PRKCA: variants seen among roughly 807,000 people sequenced by gnomAD.
PRKCA encodes protein kinase C alpha type.
Under a neutral mutation model 87.0 loss-of-function variants are expected in PRKCA, and 27 were observed. The observed-to-expected ratio is 0.31, with a 90% CI of 0.23 to 0.43. PRKCA has a LOEUF of 0.43. PRKCA is among the 20% of genes least tolerant of loss of function. The pLI, the probability that PRKCA is intolerant of heterozygous loss-of-function variation, is 1.00. For synonymous variants in PRKCA, 329 were observed against 311.1 expected, an observed-to-expected ratio of 1.06 and a Z score of -0.61; for missense variants, 518 against 852.3, an observed-to-expected ratio of 0.61 and a Z score of 4.88.
At chr17:66,485,423 G>T (rs1007598185) in intron 2 of PRKCA, among the ~76,000 whole-genome samples, 1 of 152,096 alleles carries the variant, frequency 6.6e-6, no homozygotes. Flanking sequence ...CTGTCCTAAC[G>T]TGCTGAGTGC....
intron 5 of PRKCA, among the ~76,000 whole-genome samples, chr17:66,667,123 A>G (rs550422102): frequency 1.1e-4 from 17 of 152,314 alleles, no homozygotes; most frequent in African/African-American, 3.6e-4. Context: ...GTCCCTGCCC[A>G]GTCCCTTCCC....
intron 3 of PRKCA, among the ~76,000 whole-genome samples, chr17:66,573,044 G>C (rs375763686): frequency 1.3e-5 from 2 of 152,062 alleles, no homozygotes. Context: ...TAAGAGCTGC[G>C]TTCTGTCTAC....
intron 5 of PRKCA, among the ~76,000 whole-genome samples, chr17:66,669,527 A>G (rs1448377555): frequency 6.6e-6 from 1 of 152,228 alleles, no homozygotes; most frequent in Non-Finnish European, 1.5e-5. Flanking sequence ...TCAATATGAT[A>G]GGACCAAATT....
chr17:66,642,871 C>T (rs367768199), intron 4 of PRKCA, among the ~76,000 whole-genome samples: 69 of 152,122 alleles, frequency 4.5e-4, no homozygotes, highest in Non-Finnish European at 8.8e-4. Flanking sequence ...AGCGAAACCC[C>T]GTCTCTACTA....
intron 5 of PRKCA, among the ~76,000 whole-genome samples, chr17:66,647,019 C>T (rs771297517): frequency 3.9e-5 from 6 of 152,190 alleles, no homozygotes; most frequent in African/African-American, 7.2e-5. Flanking sequence ...TTTTAATGGG[C>T]TGATGCTGTC....
At chr17:66,641,042 C>T (rs1489442508) in intron 3 of PRKCA, 3 of 312,722 alleles carry the variant, frequency 9.6e-6, no homozygotes, top group Non-Finnish European at 1.9e-5. Context: ...CCTGTAATCC[C>T]AGTTACTCAG....
At chr17:66,679,427 C>T (rs1029925024) in intron 5 of PRKCA, among the ~76,000 whole-genome samples, 12 of 152,132 alleles carry the variant, frequency 7.9e-5, no homozygotes, top group South Asian at 4.1e-4. Context: ...GTGATCCACC[C>T]GCCTTGGCCT....
At chr17:66,357,189 C>CTCT (rs1328967084) in intron 2 of PRKCA, among the ~76,000 whole-genome samples, 1 of 152,154 alleles carries the variant, frequency 6.6e-6, no homozygotes, top group East Asian at 1.9e-4. Flanking sequence ...TGAGTGCCAG[C>CTCT]TCTGAGTCAT....
intron 8 of PRKCA, among the ~76,000 whole-genome samples, chr17:66,712,754 G>A (rs939660519): frequency 8.5e-5 from 13 of 152,164 alleles, no homozygotes; most frequent in Non-Finnish European, 1.2e-4. Context: ...TTTCATAGCT[G>A]TATAGCCTGG....
At chr17:66,584,276 C>CATT (rs1555622871) in intron 3 of PRKCA, among the ~76,000 whole-genome samples, 1 of 151,810 alleles carries the variant, frequency 6.6e-6, no homozygotes, top group African/African-American at 2.4e-5. Context: ...GGCTGGAGTG[C>CATT]AGTGGCTTGA....
rs1168175864 is a variant in PRKCA at position 66,689,001 on chromosome 17, C to T, written c.872C>T (p.Pro291Leu). The T allele has an allele frequency of 6.9e-6, 11 of 1,603,490 alleles. No homozygotes were observed. Among genetic ancestry groups the T allele is most frequent in the Non-Finnish European group, 8.5e-6 (10 of 1,175,536 alleles). The change falls in exon 8 of 17, where the codon CCG (proline) becomes CTG (leucine). Residue 291 changes from proline (P) to leucine (L), a missense_variant. Physicochemically the swap from Pro to Leu is moderately conservative, Grantham distance 98 (BLOSUM62 -3). Coordinates refer to ENST00000413366, the MANE Select transcript of PRKCA (RefSeq NM_002737.3). The surrounding 1 kb of genome is among the most constrained non-coding windows in gnomAD (Gnocchi z 4.1). The stretch of plus-strand genomic sequence containing the variant: ...GGTGAGTACTACAACGTACCCATTC[C>T]GGAAGGGGACGAGGAAGGAAACATG... ...EEGEYYNVPI[P>L]EGDEEGNMEL... is the part of the protein sequence containing the mutation.
At chr17:66,408,379 A>G (rs772175945) in intron 2 of PRKCA, among the ~76,000 whole-genome samples, 8 of 152,242 alleles carry the variant, frequency 5.3e-5, no homozygotes, top group Non-Finnish European at 7.3e-5. Context: ...TTAGGGCATT[A>G]CTTTAGTCTC....
At chr17:66,312,870 C>T (rs1014626915) in intron 2 of PRKCA, among the ~76,000 whole-genome samples, 1 of 151,392 alleles carries the variant, frequency 6.6e-6, no homozygotes, top group Non-Finnish European at 1.5e-5. Context: ...TCCTGAGTAG[C>T]CGGGATTACA....
intron 2 of PRKCA, among the ~76,000 whole-genome samples, chr17:66,358,604 A>G (rs1185624169): frequency 6.6e-6 from 1 of 152,168 alleles, no homozygotes; most frequent in Non-Finnish European, 1.5e-5. Flanking sequence ...AGCAAATGTA[A>G]TAATGTGTGG....
intron 3 of PRKCA, among the ~76,000 whole-genome samples, chr17:66,622,871 GA>G (rs1172476983): frequency 7.2e-5 from 11 of 152,246 alleles, no homozygotes; most frequent in Non-Finnish European, 1.6e-4. Context: ...CCGCCCCCAT[GA>G]TTCAATCATC....
intron 3 of PRKCA, among the ~76,000 whole-genome samples, chr17:66,626,970 C>T (rs1419139830): frequency 6.6e-6 from 1 of 152,198 alleles, no homozygotes; most frequent in Non-Finnish European, 1.5e-5. Context: ...CTCCCTCTCC[C>T]CTTTATTCCA....
rs374899177 is a variant in PRKCA, at chr17:66,317,493, T to A, written c.205+11366T>A. Among the ~76,000 whole-genome samples the A allele has an allele frequency of 2.6e-5, 4 of 152,358 alleles. No homozygotes were observed. In the East Asian group the frequency reaches 7.7e-4, roughly 29 times the overall value. On this transcript the variant is annotated intron_variant, in intron 2 of 16. Coordinates refer to ENST00000413366, the MANE Select transcript of PRKCA (RefSeq NM_002737.3). ...TAAGTAGGCTGCCCTTGTGTGTGAC[T>A]GGTGAATTGGGAAGCTGTAATTTGA... is the stretch of plus-strand genomic sequence containing the variant.
chr17:66,328,464 C>T (rs1435924927), intron 2 of PRKCA, among the ~76,000 whole-genome samples: 1 of 152,106 alleles, frequency 6.6e-6, no homozygotes, highest in Non-Finnish European at 1.5e-5. Flanking sequence ...CAGCCAGCAA[C>T]TGCAAAGGCC....
chr17:66,666,428 C>T (rs1288170499), intron 5 of PRKCA, among the ~76,000 whole-genome samples: 1 of 152,166 alleles, frequency 6.6e-6, no homozygotes, highest in African/African-American at 2.4e-5. Flanking sequence ...GGAGCCTCTG[C>T]TTTCTCGCTG....
Sources: gnomAD v4.1 joint callset for allele counts (sites outside exome capture counted in the v4.1 genomes callset) on GRCh38, gnomAD v4.1.1 for gene constraint, Gnocchi (gnomAD v3.1) non-coding constraint, MANE v1.5 for transcripts, NCBI Gene and HGNC (gene_info 2026-07-23, HGNC 2026-07-21) for gene names.